Variants in RB1 observed in about 807,000 individuals in gnomAD.
RB1 encodes retinoblastoma-associated protein.
Under a neutral mutation model 135.4 loss-of-function variants are expected in RB1, and 18 were observed. That is an observed-to-expected ratio of 0.13 (90% CI 0.09 to 0.20). The LOEUF (loss-of-function observed/expected upper bound fraction) is 0.20, where lower values mean the gene tolerates loss of function less well. RB1 is among the 10% of genes least tolerant of loss of function. RB1 has a pLI of 1.00. For missense variants in RB1, 868 were observed against 1,110.0 expected, an observed-to-expected ratio of 0.78 and a Z score of 3.10; for synonymous variants, 365 against 373.2, an observed-to-expected ratio of 0.98 and a Z score of 0.25.
At chr13:48,349,669 G>T (rs1593438327) in intron 6 of RB1, among the ~76,000 whole-genome samples, 1 of 151,942 alleles carries the variant, frequency 6.6e-6, no homozygotes, top group South Asian at 2.1e-4. Context: ...ATAACAAAAT[G>T]ACATGAGTAA....
intron 12 of RB1, 30 bp from the exon 13 acceptor site, chr13:48,376,888 G>A (rs759039745): frequency 5.0e-6 from 8 of 1,612,102 alleles, no homozygotes; most frequent in African/African-American, 4.0e-5. Context: ...CAGTATCCTC[G>A]ACATTGATTT....
intron 24 of RB1, among the ~76,000 whole-genome samples, chr13:48,473,914 T>G (rs1286348731): frequency 1.3e-5 from 2 of 152,146 alleles, no homozygotes; most frequent in African/African-American, 4.8e-5. Flanking sequence ...AATACGAAGT[T>G]GGGGGGTTCC....
Position 48,466,797 on chromosome 13 carries a change from A to G in RB1, c.2489+1429A>G, listed in dbSNP as rs1341789393. Among the ~76,000 whole-genome samples, 377 of 75,876 alleles carry G rather than the reference A, an allele frequency of 5.0e-3. 4 individuals are homozygous for G. Among genetic ancestry groups the G allele is most frequent in the Middle Eastern group, 0.014 (3 of 208 alleles). 49.8% of individuals were successfully genotyped at this position (75,876 alleles called of 152,430 possible). Reference sequence around the variant, plus strand: ...AGGAGCCAATGCGATCAACTGGAAGAAAGGGTATCAGCAATGGAAGATGAA... The same window carrying G: ...AGGAGCCAATGCGATCAACTGGAAGGAAGGGTATCAGCAATGGAAGATGAA... On this transcript the variant is annotated intron_variant, in intron 23 of 26. Coordinates refer to ENST00000267163, the MANE Select transcript of RB1 (RefSeq NM_000321.3).
At chr13:48,392,445 T>G (rs1948618104) in intron 17 of RB1, among the ~76,000 whole-genome samples, 1 of 151,986 alleles carries the variant, frequency 6.6e-6, no homozygotes, top group Non-Finnish European at 1.5e-5. Flanking sequence ...TTCCTGCAGG[T>G]TTTTCTTTCT....
At chr13:48,307,492 A>G (rs1952092008) in intron 2 of RB1, 86 bp downstream of exon 2, 2 of 1,323,552 alleles carry the variant, frequency 1.5e-6, no homozygotes, top group Non-Finnish European at 2.1e-6. Flanking sequence ...TGAAAGATAG[A>G]AAAATATAAA....
intron 17 of RB1, among the ~76,000 whole-genome samples, chr13:48,395,150 A>G (rs187904771): frequency 1.0e-3 from 153 of 152,332 alleles, no homozygotes; most frequent in Middle Eastern, 3.4e-3. Flanking sequence ...CCTGCAGCAG[A>G]GGGGCCTGAC....
intron 17 of RB1, among the ~76,000 whole-genome samples, chr13:48,433,328 A>C (rs191511007): frequency 6.6e-6 from 1 of 152,188 alleles, no homozygotes; most frequent in Non-Finnish European, 1.5e-5. Flanking sequence ...AATTATTTAA[A>C]TATACCACTA....
chr13:48,476,634 C>T, intron 24 of RB1, 67 bp from the exon 25 acceptor site: 2 of 1,522,506 alleles, frequency 1.3e-6, no homozygotes, highest in East Asian at 2.3e-5. Context: ...CAAACTATAA[C>T]TTGAGGTTGC....
chr13:48,324,431 AT>A (rs1278859749), intron 2 of RB1, among the ~76,000 whole-genome samples: 9,136 of 74,674 alleles, frequency 0.12, 635 homozygotes, highest in African/African-American at 0.31. Flanking sequence ...TGAGTTCAAT[AT>A]TTTTTTTTTT....
intron 17 of RB1, among the ~76,000 whole-genome samples, chr13:48,413,785 G>A (rs1948859493): frequency 6.6e-6 from 1 of 152,136 alleles, no homozygotes; most frequent in South Asian, 2.1e-4. Context: ...TATCTTTGGT[G>A]TGGTGTTAAT....
chr13:48,398,649 A>G (rs960184922), intron 17 of RB1, among the ~76,000 whole-genome samples: 6 of 151,940 alleles, frequency 3.9e-5, no homozygotes, highest in Non-Finnish European at 7.4e-5. Flanking sequence ...TTGAACTCAT[A>G]TTGGTTTGAT....
At chr13:48,421,758 T>C (rs1293329015) in intron 17 of RB1, among the ~76,000 whole-genome samples, 1 of 152,108 alleles carries the variant, frequency 6.6e-6, no homozygotes, top group Non-Finnish European at 1.5e-5. Context: ...CCAACAAGCA[T>C]ATGAACAAAA....
Position 48,400,730 on chromosome 13 carries a change from T to C in RB1, c.1695+19287T>C, listed in dbSNP as rs546676609. On this transcript the variant is annotated intron_variant, in intron 17 of 26. Coordinates refer to ENST00000267163, the MANE Select transcript of RB1 (RefSeq NM_000321.3). ...ATCTCAGGTTTCCTTGTATGTAAAA[T>C]AGGGATAACTTTCAGTTGTTGTGAG... is the stretch of plus-strand genomic sequence containing the variant. Among the ~76,000 whole-genome samples the C allele has an allele frequency of 4.6e-5, 7 of 152,216 alleles. No individual in the cohort carries two copies. The South Asian group carries it at 8.3e-4, about 18-fold the overall frequency.
At chr13:48,411,944 C>G (rs779621787) in intron 17 of RB1, 1 of 1,612,436 alleles carries the variant, frequency 6.2e-7, no homozygotes, top group Non-Finnish European at 8.5e-7. Flanking sequence ...CATTGTTACC[C>G]TGAGAGTGGG....
chr13:48,462,724 G>A (rs541087154), intron 20 of RB1, among the ~76,000 whole-genome samples: 1 of 152,246 alleles, frequency 6.6e-6, no homozygotes, highest in South Asian at 2.1e-4. Flanking sequence ...TATAATTGTA[G>A]TTCTTACATT....
chr13:48,314,553 A>G (rs907996349), intron 2 of RB1, among the ~76,000 whole-genome samples: 3 of 152,162 alleles, frequency 2.0e-5, no homozygotes, highest in Non-Finnish European at 2.9e-5. Flanking sequence ...TAATCTTAGC[A>G]CTTTGGGAGG....
intron 7 of RB1, among the ~76,000 whole-genome samples, chr13:48,362,352 A>G (rs765959315): frequency 2.5e-4 from 38 of 151,942 alleles, no homozygotes; most frequent in Non-Finnish European, 4.9e-4. Flanking sequence ...TCATATTATT[A>G]TATTTACTAT....
At chr13:48,367,699 A>G in intron 10 of RB1, 96 bp downstream of exon 10, 1 of 1,382,106 alleles carries the variant, frequency 7.2e-7, no homozygotes, top group South Asian at 1.3e-5. Context: ...ACCTTTAGAT[A>G]TCATTTATAA....
intron 2 of RB1, among the ~76,000 whole-genome samples, chr13:48,307,818 G>A (rs928197231): frequency 2.0e-5 from 3 of 150,606 alleles, no homozygotes; most frequent in East Asian, 1.9e-4. Flanking sequence ...AGCCGAGATC[G>A]TGCCACTGCA....
Sources: allele counts gnomAD v4.1 joint callset (sites outside exome capture counted in the v4.1 genomes callset), GRCh38; gene constraint gnomAD v4.1.1; transcripts MANE v1.5; gene names NCBI Gene and HGNC (gene_info 2026-07-23, HGNC 2026-07-21).